Variants in ZNF398 observed in about 807,000 individuals in gnomAD.
ZNF398 encodes zinc finger DNA binding protein ZER6.
Under a neutral mutation model 41.9 loss-of-function variants are expected in ZNF398, and 18 were observed. The observed-to-expected ratio is 0.43, with a 90% CI of 0.30 to 0.64. The LOEUF is 0.64. Ranked by LOEUF, ZNF398 falls within the 30% of genes least tolerant of loss-of-function variation. ZNF398 has a pLI of 0.14. For synonymous variants in ZNF398, 260 were observed against 308.8 expected (o/e 0.84, Z 1.66); for missense variants, 669 against 822.8 (o/e 0.81, Z 2.29).
Position 149,181,164 on chromosome 7 carries a change from G to A in ZNF398, c.*1363G>A, listed in dbSNP as rs910898429. 1 of 152,548 alleles carries A rather than the reference G, an allele frequency of 6.6e-6. No individual in the cohort carries two copies. Among genetic ancestry groups the A allele is most frequent in the Admixed American group, 6.5e-5 (1 of 15,272 alleles). The allele number at this position is 152,548 out of a possible 1,614,324, so 9.4% of individuals were successfully genotyped here. A position where few individuals can be genotyped will look rare whatever the true frequency, so the allele number is the denominator to read the frequency against. ...TGAGGCTGTTGAAAGGAAAAAAAGT[G>A]AGCCTCTAGGAATTATTCAAAAAAA... is the stretch of plus-strand genomic sequence containing the variant. On this transcript the variant is annotated 3_prime_UTR_variant, in exon 6 of 6. Transcript: ENST00000475153.
At chr7:149,155,812 T>C (rs1456461516) in intron 2 of ZNF398, among the ~76,000 whole-genome samples, 1 of 149,490 alleles carries the variant, frequency 6.7e-6, no homozygotes, top group Admixed American at 6.7e-5. Flanking sequence ...CTGCAAGCTC[T>C]GCCTCCCGGG....
At chr7:149,141,447 C>CCTT (rs1554460571) in intron 2 of ZNF398, among the ~76,000 whole-genome samples, 1 of 116,816 alleles carries the variant, frequency 8.6e-6, no homozygotes, top group Non-Finnish European at 1.7e-5. Context: ...AGCTACTTTT[C>CCTT]TTTTTTTTCT....
chr7:149,173,359 G>T (rs756320892), intron 4 of ZNF398, among the ~76,000 whole-genome samples: 1 of 151,850 alleles, frequency 6.6e-6, no homozygotes, highest in East Asian at 1.9e-4. Flanking sequence ...CACCCGTCTC[G>T]GCCTCCCAAA....
chr7:149,135,240 A>T (rs1440390571), intron 2 of ZNF398, among the ~76,000 whole-genome samples: 1 of 151,756 alleles, frequency 6.6e-6, no homozygotes, highest in Non-Finnish European at 1.5e-5. Flanking sequence ...ATACCAAAAA[A>T]ATAGCCGGGC....
At chr7:149,128,814 T>G (rs942050631) in intron 1 of ZNF398, 4 of 98,208 alleles carry the variant, frequency 4.1e-5, no homozygotes, top group Non-Finnish European at 9.2e-5. Context: ...TTTGTTGGGT[T>G]TTTTCCAGAC....
intron 2 of ZNF398, among the ~76,000 whole-genome samples, chr7:149,157,381 T>A (rs1324934507): frequency 6.8e-6 from 1 of 147,028 alleles, no homozygotes; most frequent in Non-Finnish European, 1.5e-5. Context: ...AAAAAATATA[T>A]AAAATTAGCC....
At chr7:149,136,153 A>G (rs1004941541) in intron 2 of ZNF398, among the ~76,000 whole-genome samples, 2 of 152,020 alleles carry the variant, frequency 1.3e-5, no homozygotes, top group African/African-American at 4.8e-5. Context: ...TTATATGTTT[A>G]TTTATATTCC....
At position 149,163,290 on chromosome 7, in the gene ZNF398, C is replaced by T. The variant is rs1231675368; in HGVS notation, c.421-2868C>T. ...CGTGATCTCAGCTCACTGGAACCTC[C>T]GCCTCCCAGGTTCAAGCGATTCTCC... On this transcript the variant is annotated intron_variant, in intron 2 of 5. Transcript: ENST00000475153. Among the ~76,000 whole-genome samples, 16 of 151,952 alleles carry T rather than the reference C, an allele frequency of 1.1e-4. No individual in the cohort carries two copies. In the South Asian group the frequency reaches 2.9e-3, roughly 28 times the overall value.
Position 149,178,800 on chromosome 7 carries a change from G to C in ZNF398, c.928G>C (p.Gly310Arg). The change falls in exon 6 of 6, where the codon GGA becomes CGA. Residue 310 changes from glycine to arginine, a missense_variant. Physicochemically the swap from Gly to Arg is moderately radical, Grantham distance 125. Transcript: ENST00000475153. ...SQQSTSMTPFGRPATDLPEAS... is the reference protein window; with the variant it reads ...SQQSTSMTPFRRPATDLPEAS... ...GCAGTCTACATCCATGACACCTTTT[G>C]GACGTCCAGCCACTGACCTGCCTGA... is the stretch of plus-strand genomic sequence containing the variant. The C allele has an allele frequency of 6.2e-7, 1 of 1,614,154 alleles. No homozygotes were observed. The highest frequency in any genetic ancestry group is 8.5e-7 in the Non-Finnish European group (1 of 1,180,024).
In ZNF398 at chr7:149,168,101, T is replaced by C. The variant is rs1246033914; in HGVS notation, c.661+1171T>C. 2.0e-5 allele frequency among the ~76,000 whole-genome samples: 3 copies of C among 152,242 alleles called. No individual in the cohort carries two copies. The East Asian group carries it at 5.8e-4, about 29-fold the overall frequency. The stretch of plus-strand genomic sequence containing the variant: ...ATTATTTATTTATTTATTTTGGAGA[T>C]GGAGTCTCACTCTGTCGCCCAGGCT... On this transcript the variant is annotated intron_variant, in intron 4 of 5. Transcript: ENST00000475153.
chr7:149,154,918 G>T (rs1794934942), intron 2 of ZNF398, among the ~76,000 whole-genome samples: 1 of 151,408 alleles, frequency 6.6e-6, no homozygotes, highest in African/African-American at 2.4e-5. Context: ...GAACCCAGGA[G>T]TTGGAGGTTG....
chr7:149,133,678 T>TATATATATATATATATAC (rs1483673161), intron 2 of ZNF398, among the ~76,000 whole-genome samples: 3 of 67,012 alleles, frequency 4.5e-5, no homozygotes, highest in African/African-American at 1.2e-4. Context: ...TATATATATA[T>TATATATATATATATATAC]ACATATATAT....
At chr7:149,137,451 G>A (rs569921833) in intron 2 of ZNF398, among the ~76,000 whole-genome samples, 23 of 151,992 alleles carry the variant, frequency 1.5e-4, no homozygotes, top group African/African-American at 4.3e-4. Flanking sequence ...GCGTGATCTC[G>A]GCTCACTGCA....
At chr7:149,127,226 T>G (rs1826499180) in intron 1 of ZNF398, among the ~76,000 whole-genome samples, 1 of 152,062 alleles carries the variant, frequency 6.6e-6, no homozygotes, top group South Asian at 2.1e-4. Flanking sequence ...TCGCATTCTG[T>G]CCTAGTCATG....
At chr7:149,176,279 G>A (rs1013620561) in intron 4 of ZNF398, among the ~76,000 whole-genome samples, 189 bp from the exon 5 acceptor site, 1 of 152,132 alleles carries the variant, frequency 6.6e-6, no homozygotes, top group African/African-American at 2.4e-5. Context: ...CCTGGGAGGC[G>A]GAGCTTGCAG....
In ZNF398 at chr7:149,176,452, T is replaced by TC; in HGVS notation, c.662-14dup. 6.3e-7 allele frequency: 1 copy of TC among 1,586,720 alleles called. No individual in the cohort carries two copies. Among genetic ancestry groups the TC allele is most frequent in the Non-Finnish European group, 8.7e-7 (1 of 1,155,124 alleles). ...CAAGTTCATGAAGGCCATTTTTTTT[T>TC]CCTCCCACAAATTAGAGCCTGGTAT... On this transcript the variant is annotated splice_polypyrimidine_tract_variant and intron_variant, in intron 4 of 5. Transcript: ENST00000475153.
At chr7:149,159,029 A>T (rs1274090982) in intron 2 of ZNF398, among the ~76,000 whole-genome samples, 4 of 149,730 alleles carry the variant, frequency 2.7e-5, no homozygotes, top group Non-Finnish European at 5.9e-5. Context: ...CTCAGGCTGC[A>T]GTGCAGTGGC....
chr7:149,131,933 C>G (rs1005116454), intron 2 of ZNF398, among the ~76,000 whole-genome samples: 7 of 152,140 alleles, frequency 4.6e-5, no homozygotes, highest in Admixed American at 3.3e-4. Flanking sequence ...GATAGCTACG[C>G]AGCATACCAA....
upstream of ZNF398, among the ~76,000 whole-genome samples, chr7:149,143,971 A>G (rs934602130): frequency 7.9e-5 from 12 of 152,216 alleles, no homozygotes; most frequent in Admixed American, 7.9e-4. Flanking sequence ...TAGTACAACA[A>G]CCTTACATCT....
Sources: allele counts gnomAD v4.1 joint callset (sites outside exome capture counted in the v4.1 genomes callset), GRCh38; gene constraint gnomAD v4.1.1; transcripts MANE v1.5; gene names NCBI Gene and HGNC (gene_info 2026-07-23, HGNC 2026-07-21).